Variants in SQSTM1 observed in about 807,000 individuals in gnomAD.
SQSTM1 encodes the protein sequestosome-1.
Under a neutral mutation model 45.1 loss-of-function variants are expected in SQSTM1, and 36 were observed. That is an observed-to-expected ratio of 0.80 (90% confidence interval 0.61 to 1.05). SQSTM1 has a LOEUF of 1.05. SQSTM1 is among the 50% of genes least tolerant of loss of function. The probability of loss-of-function intolerance (pLI) is 0.00; values close to 1 mark genes in which losing one functional copy is unlikely to be tolerated. For missense variants in SQSTM1, 617 were observed against 607.1 expected (o/e 1.02, Z -0.17); for synonymous variants, 290 against 244.3 (o/e 1.19, Z -1.74).
intron 5 of SQSTM1, among the ~76,000 whole-genome samples, chr5:179,830,737 T>G (rs981509850): frequency 2.6e-5 from 4 of 152,080 alleles, no homozygotes; most frequent in Non-Finnish European, 5.9e-5. Flanking sequence ...TTTATATTTT[T>G]AGTAGAGATG....
At chr5:179,834,585 G>A (rs1479781669) in intron 7 of SQSTM1, among the ~76,000 whole-genome samples, 40 of 151,594 alleles carry the variant, frequency 2.6e-4, no homozygotes, top group African/African-American at 3.6e-4. Flanking sequence ...TGTGTCCCTG[G>A]GTACTTGAGA....
intron 4 of SQSTM1, among the ~76,000 whole-genome samples, chr5:179,824,930 G>A (rs1410965673): frequency 6.6e-6 from 1 of 152,010 alleles, no homozygotes; most frequent in African/African-American, 2.4e-5. Flanking sequence ...CACAGATGAG[G>A]GGGAGATGGC....
At chr5:179,815,594 A>G (rs1480318183), upstream of SQSTM1, among the ~76,000 whole-genome samples, 2 of 152,090 alleles carry the variant, frequency 1.3e-5, no homozygotes, top group African/African-American at 4.8e-5. Flanking sequence ...TCTGCTCAGG[A>G]TTCCCCCCTC....
At chr5:179,828,904 G>C (rs1262706254) in intron 5 of SQSTM1, among the ~76,000 whole-genome samples, 7 of 152,208 alleles carry the variant, frequency 4.6e-5, no homozygotes, top group Non-Finnish European at 1.0e-4. Context: ...CATGGAGGGA[G>C]GGTGGCAACC....
intron 1 of SQSTM1, 110 bp downstream of exon 1, chr5:179,821,251 G>T (rs1053853688): frequency 9.0e-7 from 1 of 1,105,484 alleles, no homozygotes; most frequent in Non-Finnish European, 1.2e-6. Flanking sequence ...CCGTGAGGGG[G>T]TCTGCGCTGG....
chr5:179,824,451 C>G, intron 4 of SQSTM1, 128 bp downstream of exon 4: 2 of 1,369,234 alleles, frequency 1.5e-6, no homozygotes, highest in Non-Finnish European at 2.1e-6. Flanking sequence ...TGGTGCCCTA[C>G]AATCACACAA....
Position 179,838,057 on chromosome 5 carries a change from A to C in SQSTM1, c.*1464A>C. 1.6e-6 allele frequency: 1 copy of C among 629,230 alleles called. No homozygotes were observed. The highest frequency in any genetic ancestry group is 2.7e-6 in the Non-Finnish European group (1 of 364,580). 39.0% of individuals were successfully genotyped at this position (629,230 alleles called of 1,614,324 possible). On this transcript the variant is annotated 3_prime_UTR_variant, in exon 8 of 8. Coordinates refer to ENST00000389805, the MANE Select transcript of SQSTM1 (RefSeq NM_003900.5). ...AGGGTTAGCAAGACAAAGCAAATAAATGCCTTCCACCTCACCGCAAACCTT... is the reference window on the plus strand; with the variant it reads ...AGGGTTAGCAAGACAAAGCAAATAACTGCCTTCCACCTCACCGCAAACCTT...
chr5:179,823,778 A>G (rs1757879837), intron 2 of SQSTM1, 80 bp from the exon 3 acceptor site: 1 of 1,488,620 alleles, frequency 6.7e-7, no homozygotes, highest in Admixed American at 1.7e-5. Flanking sequence ...CCTTGCTGGC[A>G]GTGACAGCCC....
rs775073015 is a variant in SQSTM1 at position 179,823,878 on chromosome 5, G to A, written c.322G>A (p.Asp108Asn). 1 of 1,612,674 alleles carries A rather than the reference G, an allele frequency of 6.2e-7. No individual in the cohort carries two copies. The highest frequency in any genetic ancestry group is 1.1e-5 in the South Asian group (1 of 91,056). Reference sequence around the variant, plus strand: ...TGTAGAGAAAAAAGAGTGCCGGCGGGACCACCGCCCACCGTGTGCTCAGGA... The same window carrying A: ...TGTAGAGAAAAAAGAGTGCCGGCGGAACCACCGCCCACCGTGTGCTCAGGA... ...YIKEKKECRR[D>N]HRPPCAQEAP... Residue 108 changes from aspartate (D) to asparagine (N), a missense_variant, in exon 3 of 8, where the codon GAC becomes AAC. Coordinates refer to ENST00000389805, the MANE Select transcript of SQSTM1 (RefSeq NM_003900.5).
chr5:179,834,625 A>G (rs1021926443), intron 7 of SQSTM1, among the ~76,000 whole-genome samples: 5 of 151,902 alleles, frequency 3.3e-5, no homozygotes, highest in East Asian at 3.9e-4. Flanking sequence ...CTTAAGGAGC[A>G]TGCTGCCTTC....
At chr5:179,828,908 G>A (rs2113500093) in intron 5 of SQSTM1, among the ~76,000 whole-genome samples, 1 of 152,312 alleles carries the variant, frequency 6.6e-6, no homozygotes, top group East Asian at 1.9e-4. Flanking sequence ...GAGGGAGGGT[G>A]GCAACCTGCT....
At chr5:179,833,893 G>A (rs1438195565) in intron 7 of SQSTM1, 111 bp downstream of exon 7, 2 of 1,252,858 alleles carry the variant, frequency 1.6e-6, no homozygotes, top group Non-Finnish European at 1.1e-6. Context: ...TCCACTGCAG[G>A]GCTGTCTGTA....
chr5:179,830,309 G>A (rs150801256), intron 5 of SQSTM1, among the ~76,000 whole-genome samples: 158 of 152,222 alleles, frequency 1.0e-3, no homozygotes, highest in African/African-American at 3.5e-3. Flanking sequence ...TAAATACTTG[G>A]GAATACAAAG....
upstream of SQSTM1, chr5:179,820,335 G>A (rs1291523901): frequency 1.3e-5 from 2 of 152,422 alleles, no homozygotes; most frequent in East Asian, 3.9e-4. Context: ...CCAGAGTCGG[G>A]GTCCGTCACC....
In SQSTM1 at chr5:179,825,290, G is replaced by A; in HGVS notation, c.754+64G>A. The A allele has an allele frequency of 1.5e-5, 20 of 1,351,522 alleles. 1 individual carries two copies. The highest frequency in any genetic ancestry group is 2.3e-5 in the South Asian group (2 of 85,718). 83.7% of individuals were successfully genotyped at this position (1,351,522 alleles called of 1,614,324 possible). ...CCTGCACTTTATGTAACTTTCACCT[G>A]GAATACTGCAAAGGAATGGGTAATT... On this transcript the variant is annotated intron_variant, in intron 5 of 7. Transcript: ENST00000389805.
In SQSTM1 at chr5:179,837,151, C is replaced by A. The variant is rs767960499; in HGVS notation, c.*558C>A. 7.2e-7 allele frequency: 1 copy of A among 1,392,106 alleles called. No homozygotes were observed. The highest frequency in any genetic ancestry group is 9.9e-7 in the Non-Finnish European group (1 of 1,015,076). 86.2% of individuals were successfully genotyped at this position (1,392,106 alleles called of 1,614,324 possible). On this transcript the variant is annotated 3_prime_UTR_variant, in exon 8 of 8. Transcript: ENST00000389805. ...TCCTGGTCTCTTCACCACTGTAGTT[C>A]TCTCATTTCCAAACCATCAGCTGCT...
intron 1 of SQSTM1, among the ~76,000 whole-genome samples, chr5:179,810,088 AT>A (rs534873324): frequency 2.0e-5 from 3 of 151,496 alleles, no homozygotes; most frequent in East Asian, 1.9e-4. Context: ...CGGGCCAACA[AT>A]TTTTTTTTAA....
intron 5 of SQSTM1, among the ~76,000 whole-genome samples, chr5:179,831,742 C>G (rs1437177905): frequency 6.6e-6 from 1 of 151,760 alleles, no homozygotes; most frequent in Non-Finnish European, 1.5e-5. Flanking sequence ...GCTACTTGAC[C>G]CAGCAAAGAA....
intron 1 of SQSTM1, among the ~76,000 whole-genome samples, chr5:179,808,705 C>T (rs1377485357): frequency 2.0e-5 from 3 of 152,072 alleles, no homozygotes; most frequent in African/African-American, 7.2e-5. Flanking sequence ...GTAATCCCAG[C>T]ACTCTGAGAG....
Sources: gnomAD v4.1 joint callset for allele counts (sites outside exome capture counted in the v4.1 genomes callset) on GRCh38, gnomAD v4.1.1 for gene constraint, MANE v1.5 for transcripts, NCBI Gene and HGNC (gene_info 2026-07-23, HGNC 2026-07-21) for gene names.